The following UBE2G1 variants were observed in gnomAD, a reference collection of about 807,000 sequenced individuals.
UBE2G1 encodes ubiquitin conjugating enzyme E2 G1, also known as ubiquitin-conjugating enzyme E2 G1.
In UBE2G1, 5 loss-of-function variants were observed where a neutral mutation model predicts 22.7. The observed-to-expected ratio is 0.22, with a 90% CI of 0.12 to 0.46. The LOEUF is 0.46. UBE2G1 is among the 20% of genes least tolerant of loss of function. The pLI is 0.99. For synonymous variants in UBE2G1, 74 were observed against 67.5 expected, an observed-to-expected ratio of 1.10 and a Z score of -0.47; for missense variants, 88 against 203.9, an observed-to-expected ratio of 0.43 and a Z score of 3.46.
At chr17:4,294,361 A>G (rs1179126387) in intron 3 of UBE2G1, among the ~76,000 whole-genome samples, 1 of 149,014 alleles carries the variant, frequency 6.7e-6, no homozygotes, top group Non-Finnish European at 1.5e-5. Context: ...GGTTGCAGTG[A>G]GCCAAGATAG....
intron 1 of UBE2G1, among the ~76,000 whole-genome samples, chr17:4,362,045 TG>T (rs905531753): frequency 4.3e-4 from 65 of 151,964 alleles, no homozygotes; most frequent in Non-Finnish European, 7.2e-4. Flanking sequence ...GAAAAGACTA[TG>T]TTTTTTTGTA....
At chr17:4,290,619 A>G (rs1027380292) in intron 3 of UBE2G1, among the ~76,000 whole-genome samples, 2 of 148,644 alleles carry the variant, frequency 1.3e-5, no homozygotes, top group Non-Finnish European at 3.0e-5. Context: ...CCATGGGCAC[A>G]TGGCATGATG....
Position 4,269,960 on chromosome 17 carries a change from A to C in UBE2G1, c.*2594T>G, listed in dbSNP as rs909227365. Reference sequence around the variant, plus strand: ...TTTCGTATCAAATGTAGAGGCATTTAAATTTACATTATCAGATGAACACTG... The same window carrying C: ...TTTCGTATCAAATGTAGAGGCATTTCAATTTACATTATCAGATGAACACTG... On this transcript the variant is annotated 3_prime_UTR_variant, in exon 6 of 6. Transcript: ENST00000396981. 2.6e-5 allele frequency: 4 copies of C among 152,662 alleles called. No individual in the cohort carries two copies. Among genetic ancestry groups the C allele is most frequent in the African/African-American group, 9.7e-5 (4 of 41,446 alleles). 9.5% of individuals were successfully genotyped at this position (152,662 alleles called of 1,614,324 possible).
intron 1 of UBE2G1, among the ~76,000 whole-genome samples, chr17:4,333,616 T>C (rs1372633239): frequency 6.6e-6 from 1 of 151,682 alleles, no homozygotes; most frequent in East Asian, 1.9e-4. Context: ...GGTCAGGAGA[T>C]CGAGACCATC....
chr17:4,345,225 A>G (rs1290790786), intron 1 of UBE2G1, among the ~76,000 whole-genome samples: 1 of 152,136 alleles, frequency 6.6e-6, no homozygotes, highest in Non-Finnish European at 1.5e-5. Flanking sequence ...GGGGGTTATT[A>G]CTTTGTTTGA....
chr17:4,343,923 C>T (rs1197714769), intron 1 of UBE2G1, among the ~76,000 whole-genome samples: 2 of 152,046 alleles, frequency 1.3e-5, no homozygotes, highest in African/African-American at 4.8e-5. Context: ...AACATTTATA[C>T]TGGTAGATTT....
intron 1 of UBE2G1, among the ~76,000 whole-genome samples, chr17:4,307,430 C>T (rs1300569116): frequency 6.6e-6 from 1 of 152,180 alleles, no homozygotes; most frequent in African/African-American, 2.4e-5. Context: ...CAGGCCCGTC[C>T]CCCAGAGATT....
At position 4,271,810 on chromosome 17, in the gene UBE2G1, G is replaced by A. The variant is rs1319659411; in HGVS notation, c.*744C>T. On this transcript the variant is annotated 3_prime_UTR_variant, in exon 6 of 6. Coordinates refer to ENST00000396981, the MANE Select transcript of UBE2G1 (RefSeq NM_003342.5). ...TGACTGGGATCAAGAGCTCACAACG[G>A]CCAATAAATGTTATTGCTATATCCA... is the stretch of plus-strand genomic sequence containing the variant. 1.3e-5 allele frequency: 2 copies of A among 151,450 alleles called. No individual in the cohort carries two copies. Among genetic ancestry groups the A allele is most frequent in the Non-Finnish European group, 2.9e-5 (2 of 67,852 alleles). 9.4% of individuals were successfully genotyped at this position (151,450 alleles called of 1,614,324 possible).
At chr17:4,344,409 G>A (rs1215078676) in intron 1 of UBE2G1, among the ~76,000 whole-genome samples, 3 of 152,102 alleles carry the variant, frequency 2.0e-5, no homozygotes, top group African/African-American at 7.2e-5. Context: ...GTGTGGTGAT[G>A]GGGGCCTGTA....
At chr17:4,309,684 CCATTA>C (rs1485825488) in intron 1 of UBE2G1, among the ~76,000 whole-genome samples, 1 of 152,190 alleles carries the variant, frequency 6.6e-6, no homozygotes, top group African/African-American at 2.4e-5. Context: ...TAGAGAAACA[CCATTA>C]CATTACTCGG....
Position 4,315,523 on chromosome 17 carries a change from G to T in UBE2G1, c.47-8400C>A, listed in dbSNP as rs1002261154. Among the ~76,000 whole-genome samples the T allele has an allele frequency of 5.3e-5, 8 of 152,028 alleles. No individual in the cohort carries two copies. The East Asian group carries it at 1.6e-3, about 30-fold the overall frequency. On this transcript the variant is annotated intron_variant, in intron 1 of 5. Transcript: ENST00000396981. ...TCGGAGGCTGAGACGGGCGGATCAT[G>T]AGGTCAGGAGATGGAGACCATCTTG...
intron 1 of UBE2G1, among the ~76,000 whole-genome samples, chr17:4,318,251 C>T (rs1326549061): frequency 1.3e-5 from 2 of 152,140 alleles, no homozygotes; most frequent in Non-Finnish European, 2.9e-5. Context: ...AAAAGGAATA[C>T]GTCTGTATTC....
At position 4,297,751 on chromosome 17, in the gene UBE2G1, A is replaced by G. The variant is rs538956252; in HGVS notation, c.150-937T>C. Among the ~76,000 whole-genome samples, 4 of 152,346 alleles carry G rather than the reference A, an allele frequency of 2.6e-5. No homozygotes were observed. In the South Asian group the frequency reaches 8.3e-4, roughly 32 times the overall value. ...ACCTCTAGAAAGATTTTATTTGACT[A>G]AAATCTAAACTAGCCACCAGGTCCC... On this transcript the variant is annotated intron_variant, in intron 2 of 5. Transcript: ENST00000396981.
chr17:4,321,729 C>A (rs1969441068), intron 1 of UBE2G1, among the ~76,000 whole-genome samples: 2 of 151,946 alleles, frequency 1.3e-5, no homozygotes, highest in African/African-American at 4.8e-5. Flanking sequence ...CTGAGCTCGC[C>A]CCCCAACCCT....
chr17:4,312,232 C>CA (rs1278103178), intron 1 of UBE2G1, among the ~76,000 whole-genome samples: 1 of 147,722 alleles, frequency 6.8e-6, no homozygotes, highest in Non-Finnish European at 1.5e-5. Flanking sequence ...AACTCCGACT[C>CA]AAAAAAAAGA....
chr17:4,347,974 CTGAGACA>C (rs1304339483), intron 1 of UBE2G1, among the ~76,000 whole-genome samples: 1 of 152,154 alleles, frequency 6.6e-6, no homozygotes, highest in African/African-American at 2.4e-5. Context: ...CCCAATTATC[CTGAGACA>C]CAACAATACT....
At chr17:4,292,037 C>G (rs371974598) in intron 3 of UBE2G1, among the ~76,000 whole-genome samples, 1 of 152,044 alleles carries the variant, frequency 6.6e-6, no homozygotes, top group Non-Finnish European at 1.5e-5. Flanking sequence ...CTACCTGGGC[C>G]GGGCACAGTG....
chr17:4,310,926 A>G (rs576088105), intron 1 of UBE2G1, among the ~76,000 whole-genome samples: 2 of 152,200 alleles, frequency 1.3e-5, no homozygotes, highest in Non-Finnish European at 2.9e-5. Context: ...CAAAAATGAC[A>G]TGAGCTGGGC....
chr17:4,283,018 T>A, intron 4 of UBE2G1, 97 bp from the exon 5 acceptor site: 1 of 1,029,910 alleles, frequency 9.7e-7, no homozygotes, highest in Non-Finnish European at 1.4e-6. Flanking sequence ...CCTTGGTGAT[T>A]TGTACACTTC....
Sources: allele counts gnomAD v4.1 joint callset (sites outside exome capture counted in the v4.1 genomes callset), GRCh38; gene constraint gnomAD v4.1.1; transcripts MANE v1.5; gene names NCBI Gene and HGNC (gene_info 2026-07-23, HGNC 2026-07-21).